MAGI3: variants seen among roughly 807,000 people sequenced by gnomAD.
The protein encoded by MAGI3 is membrane-associated guanylate kinase, WW and PDZ domain-containing protein 3.
MAGI3 carries 43 observed loss-of-function variants against 121.8 expected under a neutral mutation model. That is an observed-to-expected ratio of 0.35 (90% CI 0.28 to 0.46). MAGI3 has a LOEUF of 0.46. MAGI3 is among the 20% of genes least tolerant of loss of function. MAGI3 has a pLI of 1.00. For synonymous variants in MAGI3, 553 were observed against 639.3 expected, an observed-to-expected ratio of 0.86 and a Z score of 2.04; for missense variants, 1,547 against 1,797.3, an observed-to-expected ratio of 0.86 and a Z score of 2.52.
chr1:113,606,673 TA>T (rs1649793900), intron 6 of MAGI3, among the ~76,000 whole-genome samples: 1 of 152,148 alleles, frequency 6.6e-6, no homozygotes, highest in African/African-American at 2.4e-5. Flanking sequence ...TAAGCTTATT[TA>T]AAACTAAATT....
intron 1 of MAGI3, among the ~76,000 whole-genome samples, chr1:113,437,763 CT>C (rs1653645247): frequency 2.8e-4 from 42 of 147,616 alleles, no homozygotes; most frequent in Non-Finnish European, 6.0e-5. Context: ...CTTCATTTTT[CT>C]TTCTTCTTCC....
intron 1 of MAGI3, among the ~76,000 whole-genome samples, chr1:113,461,494 A>G (rs1426740407): frequency 6.6e-6 from 1 of 152,226 alleles, no homozygotes; most frequent in African/African-American, 2.4e-5. Flanking sequence ...TATTCAATAA[A>G]TGGTGCTGGG....
chr1:113,537,778 TAA>T (rs1449164522), intron 1 of MAGI3, among the ~76,000 whole-genome samples: 1 of 152,240 alleles, frequency 6.6e-6, no homozygotes, highest in Non-Finnish European at 1.5e-5. Context: ...GGGATTTTTG[TAA>T]AAGTGACTTA....
At chr1:113,526,434 G>A (rs916757785) in intron 1 of MAGI3, among the ~76,000 whole-genome samples, 3 of 152,110 alleles carry the variant, frequency 2.0e-5, no homozygotes, top group East Asian at 3.9e-4. Flanking sequence ...GTGTTCCAGA[G>A]AAAAGGAACA....
intron 9 of MAGI3, among the ~76,000 whole-genome samples, chr1:113,633,552 C>T (rs551820752): frequency 1.4e-4 from 21 of 152,154 alleles, no homozygotes; most frequent in Admixed American, 7.2e-4. Flanking sequence ...TGAGCCACCG[C>T]GCCCAGCCGA....
At chr1:113,506,637 T>C (rs1305432853) in intron 1 of MAGI3, among the ~76,000 whole-genome samples, 2 of 152,190 alleles carry the variant, frequency 1.3e-5, no homozygotes, top group Non-Finnish European at 2.9e-5. Flanking sequence ...AAAAACCAAG[T>C]TCAGTAGCTT....
intron 1 of MAGI3, among the ~76,000 whole-genome samples, chr1:113,532,563 C>T (rs1416567083): frequency 2.6e-5 from 4 of 152,074 alleles, no homozygotes; most frequent in Non-Finnish European, 1.5e-5. Flanking sequence ...ATTGTCACAT[C>T]TGTTTCTTTA....
chr1:113,457,960 T>G (rs982702837), intron 1 of MAGI3, among the ~76,000 whole-genome samples: 3 of 152,148 alleles, frequency 2.0e-5, no homozygotes, highest in Non-Finnish European at 4.4e-5. Context: ...AGGAGGCCAA[T>G]GTGGCTGAAG....
At chr1:113,500,456 A>G (rs1657037080) in intron 1 of MAGI3, among the ~76,000 whole-genome samples, 1 of 28,182 alleles carries the variant, frequency 3.5e-5, no homozygotes, top group Non-Finnish European at 5.6e-5. Flanking sequence ...AATAAACTAG[A>G]AAATCTAGAA....
chr1:113,572,453 G>A (rs1282815628), intron 2 of MAGI3, among the ~76,000 whole-genome samples: 9 of 152,322 alleles, frequency 5.9e-5, no homozygotes, highest in Admixed American at 4.6e-4. Flanking sequence ...GTTTGGAAGA[G>A]TTTCAAAAGG....
At chr1:113,638,245 C>A (rs879130833) in intron 9 of MAGI3, among the ~76,000 whole-genome samples, 1 of 152,244 alleles carries the variant, frequency 6.6e-6, no homozygotes, top group East Asian at 1.9e-4. Flanking sequence ...AAGTCATTCT[C>A]CATCCAGCTT....
rs558037345 is a variant in MAGI3 at position 113,590,655 on chromosome 1, T to C, written c.935T>C (p.Ile312Thr). Residue 312 changes from isoleucine to threonine, a missense_variant, in exon 5 of 21, where the codon ATT (isoleucine) becomes ACT (threonine). Transcript: ENST00000307546. ...ACTGACACAGGGATGATCTACTTCA[T>C]TGAGTAAGCAAATGTCTCTATCTCT... is the stretch of plus-strand genomic sequence containing the variant. ...AYTDTGMIYF[I>T]DHNTKTTTWL... The C allele has an allele frequency of 6.2e-7, 1 of 1,612,734 alleles. No individual in the cohort carries two copies. Among genetic ancestry groups the C allele is most frequent in the South Asian group, 1.1e-5 (1 of 90,930 alleles).
At chr1:113,403,990 G>C (rs1651545538) in intron 1 of MAGI3, 1 of 151,428 alleles carries the variant, frequency 6.6e-6, no homozygotes, top group Non-Finnish European at 1.5e-5. Context: ...TGTCATTTCT[G>C]TGAGCTTCTC....
chr1:113,598,376 A>T (rs1251554449), intron 6 of MAGI3, among the ~76,000 whole-genome samples: 1 of 151,660 alleles, frequency 6.6e-6, no homozygotes, highest in Non-Finnish European at 1.5e-5. Context: ...CACTTGAAAG[A>T]AGAAGATTGG....
chr1:113,512,474 C>T (rs1214989397), intron 1 of MAGI3, among the ~76,000 whole-genome samples: 1 of 152,198 alleles, frequency 6.6e-6, no homozygotes, highest in Non-Finnish European at 1.5e-5. Context: ...TTCTCCTCAA[C>T]ATGTAGTTTG....
At chr1:113,534,744 C>G (rs1389183121) in intron 1 of MAGI3, among the ~76,000 whole-genome samples, 1 of 152,156 alleles carries the variant, frequency 6.6e-6, no homozygotes, top group Non-Finnish European at 1.5e-5. Flanking sequence ...TATTACCCTT[C>G]TGTCCTCTTC....
rs566050943 is a variant in MAGI3 at position 113,674,226 on chromosome 1, T to C, written c.3189+761T>C. Among the ~76,000 whole-genome samples, 41 of 152,164 alleles carry C rather than the reference T, an allele frequency of 2.7e-4. 1 individual carries two copies. Among genetic ancestry groups the C allele is most frequent in the Admixed American group, 2.5e-3 (39 of 15,298 alleles). On this transcript the variant is annotated intron_variant, in intron 19 of 20. Transcript: ENST00000307546. ...GACCAACATGGAGAAACCCCGTCTG[T>C]ACTAAAAATACAAAAATTAGCCGGG...
chr1:113,617,642 A>G (rs1650561460), intron 7 of MAGI3, among the ~76,000 whole-genome samples: 1 of 152,240 alleles, frequency 6.6e-6, no homozygotes, highest in South Asian at 2.1e-4. Flanking sequence ...TTTATGTTCT[A>G]ATGCCTGGGT....
intron 1 of MAGI3, among the ~76,000 whole-genome samples, chr1:113,533,670 T>C (rs1239101634): frequency 2.0e-5 from 3 of 152,046 alleles, no homozygotes; most frequent in African/African-American, 7.2e-5. Flanking sequence ...CCACCACAAC[T>C]CAGAAAGACC....
Sources: allele counts gnomAD v4.1 joint callset (sites outside exome capture counted in the v4.1 genomes callset), GRCh38; gene constraint gnomAD v4.1.1; transcripts MANE v1.5; gene names NCBI Gene and HGNC (gene_info 2026-07-23, HGNC 2026-07-21).